XPO7: variants seen among roughly 807,000 people sequenced by gnomAD.
XPO7 encodes the protein exportin-7.
XPO7 carries 21 observed loss-of-function variants against 144.3 expected under a neutral mutation model. The ratio of observed to expected loss-of-function variants is 0.15; its 90% confidence interval spans 0.10 to 0.21. The LOEUF (loss-of-function observed/expected upper bound fraction) is 0.21, where lower values mean the gene tolerates loss of function less well. Among genes scored for constraint, XPO7 ranks in the 10% least tolerant of loss-of-function variants. The pLI, the probability that XPO7 is intolerant of heterozygous loss-of-function variation, is 1.00. For missense variants in XPO7, 808 were observed against 1,325.8 expected, an observed-to-expected ratio of 0.61 and a Z score of 6.06; for synonymous variants, 580 against 499.6, an observed-to-expected ratio of 1.16 and a Z score of -2.15.
At chr8:21,935,447 G>A (rs1810791252) in intron 1 of XPO7, among the ~76,000 whole-genome samples, 2 of 152,176 alleles carry the variant, frequency 1.3e-5, no homozygotes, top group South Asian at 4.1e-4. Context: ...GTGAGAGTCA[G>A]GATTAAAATT....
chr8:21,920,872 A>G (rs1487978431), intron 1 of XPO7, among the ~76,000 whole-genome samples: 1 of 152,198 alleles, frequency 6.6e-6, no homozygotes, highest in Non-Finnish European at 1.5e-5. Context: ...TCATTCCTCA[A>G]GTAAGAAGAA....
At chr8:21,979,110 C>T (rs1411363484) in intron 8 of XPO7, among the ~76,000 whole-genome samples, 1 of 152,134 alleles carries the variant, frequency 6.6e-6, no homozygotes, top group Non-Finnish European at 1.5e-5. Flanking sequence ...ATCTTGTTGC[C>T]CATGCTAGAG....
chr8:21,949,829 A>G (rs1811312430), intron 1 of XPO7, among the ~76,000 whole-genome samples: 1 of 152,162 alleles, frequency 6.6e-6, no homozygotes, highest in Non-Finnish European at 1.5e-5. Context: ...TTCCAGCTTC[A>G]AGCGATTCTC....
chr8:21,984,577 A>G (rs1254832310), intron 11 of XPO7, 69 bp from the exon 12 acceptor site: 2 of 1,390,296 alleles, frequency 1.4e-6, no homozygotes, highest in Admixed American at 4.9e-5. Flanking sequence ...GAAGTCAGAG[A>G]GCTGCTATAT....
At chr8:21,999,794 A>T in intron 24 of XPO7, 120 bp downstream of exon 24, 2 of 1,310,130 alleles carry the variant, frequency 1.5e-6, no homozygotes, top group Non-Finnish European at 2.1e-6. Context: ...GGGTTTGGCC[A>T]TAACAATAGA....
intron 2 of XPO7, among the ~76,000 whole-genome samples, chr8:21,968,365 T>G (rs1286699951): frequency 6.6e-6 from 1 of 152,282 alleles, no homozygotes; most frequent in Non-Finnish European, 1.5e-5. Context: ...AAATTATAAT[T>G]GGTTGAAATT....
intron 20 of XPO7, 120 bp from the exon 21 acceptor site, chr8:21,995,372 A>G (rs1812912261): frequency 4.0e-6 from 3 of 755,372 alleles, no homozygotes; most frequent in Non-Finnish European, 6.4e-6. Context: ...TTAGCAAGCA[A>G]GAGACAGGAA....
Position 21,999,387 on chromosome 8 carries a change from T to A in XPO7, c.2643+82T>A, listed in dbSNP as rs1813063061. The A allele has an allele frequency of 3.2e-6, 5 of 1,585,708 alleles. No homozygotes were observed. The Admixed American group carries it at 5.1e-5, about 16-fold the overall frequency. On this transcript the variant is annotated intron_variant, in intron 23 of 27. Coordinates refer to ENST00000252512, the MANE Select transcript of XPO7 (RefSeq NM_015024.5). ...ACCTGAGACCAAGATTGAACACTGCTCTTGAGAAACTATGTAAGCTAGCTC... is the reference window on the plus strand; with the variant it reads ...ACCTGAGACCAAGATTGAACACTGCACTTGAGAAACTATGTAAGCTAGCTC...
chr8:21,949,955 C>T (rs1385167986), intron 1 of XPO7, among the ~76,000 whole-genome samples: 1 of 152,222 alleles, frequency 6.6e-6, no homozygotes, highest in Non-Finnish European at 1.5e-5. Context: ...GAACTCCTGA[C>T]CTCAGGTGAT....
chr8:21,969,847 A>G (rs1811995641), intron 3 of XPO7: 1 of 542,108 alleles, frequency 1.8e-6, no homozygotes, highest in Non-Finnish European at 3.2e-6. Context: ...TAAGAAAAAC[A>G]TTGTTAATGA....
intron 25 of XPO7, 156 bp from the exon 26 acceptor site, chr8:22,003,063 T>C (rs1265584743): frequency 1.4e-5 from 7 of 483,162 alleles, no homozygotes; most frequent in Non-Finnish European, 2.5e-5. Context: ...AACCTTGAAA[T>C]AGAAGACTCA....
intron 9 of XPO7, among the ~76,000 whole-genome samples, chr8:21,980,469 A>G (rs1001520370): frequency 6.6e-6 from 1 of 152,120 alleles, no homozygotes; most frequent in Non-Finnish European, 1.5e-5. Context: ...TTTTCCCCCC[A>G]AGAAGTTAAG....
chr8:21,971,114 T>G (rs1292357441), intron 4 of XPO7, among the ~76,000 whole-genome samples: 1 of 152,242 alleles, frequency 6.6e-6, no homozygotes, highest in Non-Finnish European at 1.5e-5. Context: ...ATTGTTATAG[T>G]TGCCCACAGT....
At chr8:21,942,676 T>C (rs1279027018) in intron 1 of XPO7, among the ~76,000 whole-genome samples, 1 of 152,226 alleles carries the variant, frequency 6.6e-6, no homozygotes, top group Admixed American at 6.5e-5. Flanking sequence ...AAGTGATAGT[T>C]TTGTAAAGGT....
Position 21,960,660 on chromosome 8 carries a change from C to G in XPO7, c.19-6197C>G, listed in dbSNP as rs369864522. On this transcript the variant is annotated intron_variant, in intron 1 of 27. Transcript: ENST00000252512. ...ACGCCAGGCTCTGGCATAGCATTAT[C>G]ACTTGCTGAAAATAAGTATTTTATC... Among the ~76,000 whole-genome samples, 13 of 152,350 alleles carry G rather than the reference C, an allele frequency of 8.5e-5. No individual in the cohort carries two copies. In the East Asian group the frequency reaches 1.3e-3, roughly 16 times the overall value.
chr8:21,979,642 C>T (rs920989849), intron 8 of XPO7, among the ~76,000 whole-genome samples: 20 of 144,154 alleles, frequency 1.4e-4, no homozygotes, highest in African/African-American at 5.2e-4. Flanking sequence ...TTCCTGACCT[C>T]GTGATCTGCC....
intron 1 of XPO7, among the ~76,000 whole-genome samples, chr8:21,938,611 A>G (rs1210829111): frequency 1.3e-5 from 2 of 152,144 alleles, no homozygotes; most frequent in Non-Finnish European, 2.9e-5. Context: ...GCTCCTTTTT[A>G]TTTAGTCCTC....
intron 19 of XPO7, among the ~76,000 whole-genome samples, chr8:21,993,278 A>G (rs147289537): frequency 1.5e-4 from 23 of 152,334 alleles, no homozygotes; most frequent in African/African-American, 5.1e-4. Context: ...TTGGTAATGG[A>G]CTACAGCTGT....
chr8:21,925,371 A>C (rs1258398800), intron 1 of XPO7, among the ~76,000 whole-genome samples: 2 of 152,226 alleles, frequency 1.3e-5, no homozygotes, highest in African/African-American at 4.8e-5. Context: ...GCAGAATTGG[A>C]AACTTCATGC....
Sources: gnomAD v4.1 joint callset for allele counts (sites outside exome capture counted in the v4.1 genomes callset) on GRCh38, gnomAD v4.1.1 for gene constraint, MANE v1.5 for transcripts, NCBI Gene and HGNC (gene_info 2026-07-23, HGNC 2026-07-21) for gene names.